The following ARHGAP11A variants were observed in gnomAD, a reference collection of about 807,000 sequenced individuals.
ARHGAP11A encodes rho GTPase-activating protein 11A.
A neutral mutation model predicts 60.5 loss-of-function variants in ARHGAP11A; 36 were observed. The ratio of observed to expected loss-of-function variants is 0.59; its 90% CI spans 0.46 to 0.79. The LOEUF (loss-of-function observed/expected upper bound fraction) is 0.79. ARHGAP11A is among the 30% of genes least tolerant of loss of function. The probability of loss-of-function intolerance (pLI) is 0.00; values close to 1 mark genes in which losing one functional copy is unlikely to be tolerated. For synonymous variants in ARHGAP11A, 362 were observed against 415.5 expected (o/e 0.87, Z 1.57); for missense variants, 1,071 against 1,199.2 (o/e 0.89, Z 1.58).
intron 10 of ARHGAP11A, among the ~76,000 whole-genome samples, chr15:32,634,779 A>G (rs1051273718): frequency 6.6e-6 from 1 of 152,166 alleles, no homozygotes; most frequent in Non-Finnish European, 1.5e-5. Flanking sequence ...ACCATGGTCA[A>G]ATCCTTGATT....
chr15:32,637,507 A>C lies in ARHGAP11A; in HGVS notation c.2734A>C (p.Asn912His). The part of the protein sequence containing the change: ...EQKSMSCEES[N>H]IGAISKSSME... ...GAAGTCCATGTCATGTGAAGAGTCA[A>C]ATATTGGTGCAATTTCAAAGTCAAG... The change falls in exon 12 of 12, where the codon AAT becomes CAT. Residue 912 changes from asparagine (N) to histidine (H), a missense_variant. Around this residue, in one of 4 missense-constraint regions of ARHGAP11A, gnomAD observed 776 missense variants for 760.2 expected, o/e 1.02. Transcript: ENST00000361627. The C allele has an allele frequency of 6.2e-7, 1 of 1,613,960 alleles. No homozygotes were observed. Among genetic ancestry groups the C allele is most frequent in the Non-Finnish European group, 8.5e-7 (1 of 1,180,032 alleles).
Position 32,624,018 on chromosome 15 carries a change from C to A in ARHGAP11A, c.298-155C>A, listed in dbSNP as rs548577780. 1.8e-3 allele frequency among the ~76,000 whole-genome samples: 277 copies of A among 151,002 alleles called. 2 individuals are homozygous for A. Among genetic ancestry groups the A allele is most frequent in the African/African-American group, 6.6e-3 (273 of 41,072 alleles). On this transcript the variant is annotated intron_variant, in intron 3 of 11. Transcript: ENST00000361627. ...ATTTCTATAAAAATAAAAATAAATT[C>A]AAAAATCATTAAAAATAAAGTAGTG...
intron 8 of ARHGAP11A, among the ~76,000 whole-genome samples, chr15:32,632,218 G>A (rs534347071): frequency 1.3e-5 from 2 of 152,296 alleles, no homozygotes; most frequent in Admixed American, 1.3e-4. Context: ...TGTCCTGGGC[G>A]TGATTCAAAC....
chr15:32,633,876 A>T, intron 9 of ARHGAP11A, 57 bp from the exon 10 acceptor site: 1 of 1,036,776 alleles, frequency 9.6e-7, no homozygotes, highest in Non-Finnish European at 1.4e-6. Flanking sequence ...TTCGTATTTC[A>T]AGTATTTCTC....
rs752641580 is a variant in ARHGAP11A at position 32,635,877 on chromosome 15, T to A, written c.1445T>A (p.Leu482His). The A allele has an allele frequency of 3.1e-6, 5 of 1,611,374 alleles. No homozygotes were observed. In the East Asian group the frequency reaches 1.1e-4, roughly 36 times the overall value. ...NRIESVKTGL[L>H]FSPDVDEKLP... ...ATTGAATCTGTAAAAACAGGTTTGC[T>A]TTTTAGCCCAGATGTTGATGAAAAG... The change falls in exon 11 of 12, where the codon CTT becomes CAT. Residue 482 changes from leucine (L) to histidine (H), a missense_variant. Leu to His is a moderately conservative substitution (Grantham distance 99). Around this residue, in one of 4 missense-constraint regions of ARHGAP11A, gnomAD observed 776 missense variants for 760.2 expected, o/e 1.02. Coordinates refer to ENST00000361627, the MANE Select transcript of ARHGAP11A (RefSeq NM_014783.6).
At chr15:32,616,773 T>A (rs1412988441) in intron 1 of ARHGAP11A, among the ~76,000 whole-genome samples, 1 of 152,232 alleles carries the variant, frequency 6.6e-6, no homozygotes, top group Non-Finnish European at 1.5e-5. Context: ...ACAAAAACTC[T>A]ACCCCTCCAC....
chr15:32,624,082 G>A, intron 3 of ARHGAP11A, 91 bp from the exon 4 acceptor site: 1 of 1,506,922 alleles, frequency 6.6e-7, no homozygotes, highest in Non-Finnish European at 9.0e-7. Context: ...ATTTATTAAA[G>A]AAAAGTGTAA....
rs183415562 is a variant in ARHGAP11A at position 32,631,531 on chromosome 15, A to G, written c.1106-1448A>G. Among the ~76,000 whole-genome samples, 346 of 151,790 alleles carry G rather than the reference A, an allele frequency of 2.3e-3. 1 individual carries two copies. Among genetic ancestry groups the G allele is most frequent in the South Asian group, 0.014 (68 of 4,794 alleles). On this transcript the variant is annotated intron_variant, in intron 8 of 11. Coordinates refer to ENST00000361627, the MANE Select transcript of ARHGAP11A (RefSeq NM_014783.6). ...GCCAGGCTGGTCTTGAACTCCCGAC[A>G]TTAGCTGATCAACCTGCCTTGGTCT...
In ARHGAP11A at chr15:32,636,949, C is replaced by T; in HGVS notation, c.2176C>T (p.Gln726Ter). 3 of 1,609,672 alleles carry T rather than the reference C, an allele frequency of 1.9e-6. No homozygotes were observed. Among genetic ancestry groups the T allele is most frequent in the Non-Finnish European group, 1.7e-6 (2 of 1,178,852 alleles). ...CTCCAGTGATGAAGAAATAAAGAAA[C>T]AGCAGTCCCCAAAGGATAAACTAAA... ...EFSSDEEIKK[Q>*]QSPKDKLNNK... Residue 726 changes from glutamine (Q) to a stop codon, truncating the protein, a stop_gained, in exon 12 of 12, where the codon CAG becomes TAG. Coordinates refer to ENST00000361627, the MANE Select transcript of ARHGAP11A (RefSeq NM_014783.6). LOFTEE classifies it low-confidence loss of function (END_TRUNC).
chr15:32,636,436 A>T lies in ARHGAP11A; in HGVS notation c.1663A>T (p.Met555Leu). The change falls in exon 12 of 12, where the codon ATG becomes TTG. Residue 555 changes from methionine to leucine, a missense_variant. Transcript: ENST00000361627. ...AGAAAACTCTTTGGAGCCTGATATT[A>T]TGGTAGAAAAGTCACCTGCTACTTC... ...EVENSLEPDI[M>L]VEKSPATSCE... is the part of the protein sequence containing the mutation. 1 of 1,614,012 alleles carries T rather than the reference A, an allele frequency of 6.2e-7. No individual in the cohort carries two copies. The highest frequency in any genetic ancestry group is 8.5e-7 in the Non-Finnish European group (1 of 1,179,946).
chr15:32,635,758 C>CTT lies in ARHGAP11A; in HGVS notation c.1345-10_1345-9dup. ...AACTAGGCTTATTTCTTAACTAAAA[C>CTT]TTTTTTTTTTCTGTACAGAATGGAT... On this transcript the variant is annotated intron_variant, in intron 10 of 11. Transcript: ENST00000361627. The CTT allele has an allele frequency of 2.4e-5, 33 of 1,370,722 alleles. No homozygotes were observed. Among genetic ancestry groups the CTT allele is most frequent in the South Asian group, 1.1e-4 (7 of 64,058 alleles). The allele number at this position is 1,370,722 out of a possible 1,614,324, so 84.9% of individuals were successfully genotyped here. A position where few individuals can be genotyped will look rare whatever the true frequency, so the allele number is the denominator to read the frequency against.
At chr15:32,618,758 A>ACCCCCCCCCCCCCC (rs57091917) in intron 1 of ARHGAP11A, among the ~76,000 whole-genome samples, 23 of 117,480 alleles carry the variant, frequency 2.0e-4, no homozygotes, top group Non-Finnish European at 3.4e-4. Context: ...ACACGGTGAA[A>ACCCCCCCCCCCCCC]CCCCCCCCCC....
At chr15:32,620,935 G>A in intron 2 of ARHGAP11A, among the ~76,000 whole-genome samples, 1 of 152,098 alleles carries the variant, frequency 6.6e-6, no homozygotes, top group East Asian at 1.9e-4. Flanking sequence ...GCTGGGCAAG[G>A]TGGTGTGCAC....
At chr15:32,625,000 A>T (rs1393987412) in intron 4 of ARHGAP11A, 80 bp from the exon 5 acceptor site, 18 of 1,504,938 alleles carry the variant, frequency 1.2e-5, no homozygotes, top group Admixed American at 1.8e-5. Context: ...TAAGGTCTTC[A>T]AAATGTACTA....
In ARHGAP11A at chr15:32,629,716, G is replaced by A. The variant is rs1316506781; in HGVS notation, c.1059G>A (p.Glu353=). 3.1e-6 allele frequency: 5 copies of A among 1,612,780 alleles called. No homozygotes were observed. The highest frequency in any genetic ancestry group is 1.7e-5 in the Admixed American group (1 of 59,844). The change falls in exon 8 of 12, where the codon GAG becomes GAA. Residue 353 remains glutamate, a synonymous_variant. Coordinates refer to ENST00000361627, the MANE Select transcript of ARHGAP11A (RefSeq NM_014783.6). ...RKSIKHNFNF[E]LLPSNLFNSS... ...CCATCAAGCACAATTTTAACTTTGAGCTGTTGCCAAGTAATCTCTTCAATA... is the reference window on the plus strand; with the variant it reads ...CCATCAAGCACAATTTTAACTTTGAACTGTTGCCAAGTAATCTCTTCAATA...
chr15:32,620,495 A>G (rs1480976787), intron 2 of ARHGAP11A, among the ~76,000 whole-genome samples: 2 of 151,834 alleles, frequency 1.3e-5, no homozygotes, highest in South Asian at 4.2e-4. Flanking sequence ...TAAAAGAAAT[A>G]GTTGATTAAA....
In ARHGAP11A at chr15:32,627,352, A is replaced by G; in HGVS notation, c.863-1376A>G. ...TACTCAGGCTTTAACCATGGGTTCTACCTCTTCCTCTACCATCTATAATCA... is the reference window on the plus strand; with the variant it reads ...TACTCAGGCTTTAACCATGGGTTCTGCCTCTTCCTCTACCATCTATAATCA... On this transcript the variant is annotated intron_variant, in intron 6 of 11. Coordinates refer to ENST00000361627, the MANE Select transcript of ARHGAP11A (RefSeq NM_014783.6). Among the ~76,000 whole-genome samples the G allele has an allele frequency of 1.3e-5, 2 of 151,860 alleles. 1 individual carries two copies. The highest frequency in any genetic ancestry group is 2.9e-5 in the Non-Finnish European group (2 of 67,946).
chr15:32,625,419 T>A, intron 5 of ARHGAP11A, 68 bp from the exon 6 acceptor site: 1 of 1,555,710 alleles, frequency 6.4e-7, no homozygotes, highest in South Asian at 1.3e-5. Flanking sequence ...TATATTAGTA[T>A]CTAAACATTT....
chr15:32,617,240 A>C (rs910580400), intron 1 of ARHGAP11A, among the ~76,000 whole-genome samples: 38 of 152,156 alleles, frequency 2.5e-4, no homozygotes, highest in African/African-American at 8.9e-4. Context: ...CTTGGAGAAG[A>C]AAACCACTAA....
Sources: allele counts gnomAD v4.1 joint callset (sites outside exome capture counted in the v4.1 genomes callset), GRCh38; gene constraint gnomAD v4.1.1; regional missense constraint gnomAD v4.1.1; transcripts MANE v1.5; gene names NCBI Gene and HGNC (gene_info 2026-07-23, HGNC 2026-07-21).